Variants in ST3GAL1 observed in about 807,000 individuals in gnomAD.
ST3GAL1 encodes the protein CMP-N-acetylneuraminate-beta-galactosamide-alpha-2,3-sialyltransferase 1.
ST3GAL1 carries 16 observed loss-of-function variants against 34.1 expected under a neutral mutation model. The observed-to-expected ratio is 0.47, with a 90% CI of 0.32 to 0.71. The LOEUF (loss-of-function observed/expected upper bound fraction) is 0.71. Among genes scored for constraint, ST3GAL1 ranks in the 30% least tolerant of loss-of-function variants. ST3GAL1 has a pLI of 0.04. For missense variants in ST3GAL1, 353 were observed against 447.4 expected (o/e 0.79, Z 1.90); for synonymous variants, 191 against 184.7 (o/e 1.03, Z -0.28).
At chr8:133,537,631 C>T (rs1044508103) in intron 2 of ST3GAL1, among the ~76,000 whole-genome samples, 3 of 152,182 alleles carry the variant, frequency 2.0e-5, no homozygotes, top group African/African-American at 7.2e-5. Flanking sequence ...GCCAGGCTTG[C>T]AGAACGCCAG....
intron 1 of ST3GAL1, among the ~76,000 whole-genome samples, chr8:133,554,994 T>C (rs1818967421): frequency 6.6e-6 from 1 of 152,120 alleles, no homozygotes; most frequent in Non-Finnish European, 1.5e-5. Context: ...CCCAAAGTGC[T>C]GGAATTACAG....
At chr8:133,489,998 T>G (rs1191129509) in intron 3 of ST3GAL1, among the ~76,000 whole-genome samples, 1 of 152,166 alleles carries the variant, frequency 6.6e-6, no homozygotes, top group Non-Finnish European at 1.5e-5. Context: ...CCTCCCCAAC[T>G]TATCTGTGCA....
intron 5 of ST3GAL1, among the ~76,000 whole-genome samples, chr8:133,474,688 G>A (rs570862130): frequency 1.1e-4 from 16 of 152,006 alleles, no homozygotes; most frequent in Non-Finnish European, 2.2e-4. Context: ...TCTTGCACCC[G>A]CTGTCCCAGA....
At chr8:133,543,893 T>C (rs556796578) in intron 2 of ST3GAL1, among the ~76,000 whole-genome samples, 1 of 152,344 alleles carries the variant, frequency 6.6e-6, no homozygotes, top group East Asian at 1.9e-4. Context: ...TATAATTACT[T>C]CATATCTGCG....
chr8:133,541,881 C>T (rs962069027), intron 2 of ST3GAL1, among the ~76,000 whole-genome samples: 1 of 152,098 alleles, frequency 6.6e-6, no homozygotes, highest in Non-Finnish European at 1.5e-5. Context: ...TTAATAAATG[C>T]AGTTGGTGGC....
At chr8:133,473,686 C>A (rs1816051727) in intron 5 of ST3GAL1, among the ~76,000 whole-genome samples, 1 of 152,228 alleles carries the variant, frequency 6.6e-6, no homozygotes, top group African/African-American at 2.4e-5. Flanking sequence ...CATGCATGTG[C>A]ACCCACACAC....
chr8:133,535,525 A>ATTTTTTTTTTTTTTTTTTTTTTT (rs112708766), intron 2 of ST3GAL1, among the ~76,000 whole-genome samples: 2 of 145,018 alleles, frequency 1.4e-5, no homozygotes, highest in African/African-American at 5.4e-5. Flanking sequence ...GTATTTTTTA[A>ATTTTTTTTTTTTTTTTTTTTTTT]TTTTTTTTTT....
chr8:133,561,108 C>CTTTTT (rs765993286), intron 1 of ST3GAL1, among the ~76,000 whole-genome samples: 32 of 106,186 alleles, frequency 3.0e-4, no homozygotes, highest in East Asian at 5.4e-4. Flanking sequence ...CCAGAGCCAT[C>CTTTTT]TTTTTTTTTT....
Position 133,553,395 on chromosome 8 carries a change from T to C in ST3GAL1, c.-581-7469A>G, listed in dbSNP as rs111770312. ...AGCCTCAGTTTCCTCATCTGTAATG[T>C]GGAAATGCTGATGATGATGGTCATG... On this transcript the variant is annotated intron_variant, in intron 1 of 9. Transcript: ENST00000522652. Among the ~76,000 whole-genome samples the C allele has an allele frequency of 2.1e-4, 32 of 152,196 alleles. 1 individual carries two copies. The highest frequency in any genetic ancestry group is 7.7e-4 in the African/African-American group (32 of 41,510).
chr8:133,541,036 TATATAGAC>T (rs1465038559), intron 2 of ST3GAL1, among the ~76,000 whole-genome samples: 40 of 121,706 alleles, frequency 3.3e-4, no homozygotes, highest in Middle Eastern at 5.1e-3. Context: ...TATATAGACA[TATATAGAC>T]ATATATATAG....
At chr8:133,565,112 A>T (rs936806846) in intron 1 of ST3GAL1, among the ~76,000 whole-genome samples, 1 of 151,218 alleles carries the variant, frequency 6.6e-6, no homozygotes, top group African/African-American at 2.4e-5. Context: ...CCCCACCCCC[A>T]GCTGTTGCAG....
chr8:133,460,986 C>T (rs1383329429), intron 9 of ST3GAL1, among the ~76,000 whole-genome samples: 1 of 152,044 alleles, frequency 6.6e-6, no homozygotes. Context: ...AGGGCAAGAA[C>T]GTTAGGGCCA....
At chr8:133,483,426 G>A (rs556620187) in intron 3 of ST3GAL1, among the ~76,000 whole-genome samples, 6 of 152,230 alleles carry the variant, frequency 3.9e-5, no homozygotes, top group South Asian at 4.1e-4. Context: ...CTCAGTTCCC[G>A]CCACAGAGTA....
In ST3GAL1 at chr8:133,466,581, G is replaced by A. The variant is rs942985427; in HGVS notation, c.307-491C>T. 4.6e-5 allele frequency among the ~76,000 whole-genome samples: 7 copies of A among 152,178 alleles called. No homozygotes were observed. The highest frequency in any genetic ancestry group is 1.0e-4 in the Non-Finnish European group (7 of 68,028). On this transcript the variant is annotated intron_variant, in intron 5 of 9. Transcript: ENST00000522652. The surrounding 1 kb of genome is among the most constrained non-coding windows in gnomAD (Gnocchi z 4.4). ...CAGGGCCCAGGGGTTGCGTGCTCCC[G>A]CTCAAGCCTTAACAAGAAGAGCGAG...
chr8:133,530,957 C>T (rs1242534201), intron 2 of ST3GAL1, among the ~76,000 whole-genome samples: 1 of 152,046 alleles, frequency 6.6e-6, no homozygotes, highest in Non-Finnish European at 1.5e-5. Context: ...ATCCGGAGCT[C>T]CGGTGACACA....
In ST3GAL1 at chr8:133,556,853, T is replaced by C. The variant is rs1177506563; in HGVS notation, c.-581-10927A>G. Among the ~76,000 whole-genome samples the C allele has an allele frequency of 1.3e-5, 2 of 152,064 alleles. No individual in the cohort carries two copies. The highest frequency in any genetic ancestry group is 1.3e-4 in the Admixed American group (2 of 15,266). On this transcript the variant is annotated intron_variant, in intron 1 of 9. Coordinates refer to ENST00000522652, the MANE Select transcript of ST3GAL1 (RefSeq NM_173344.3). This position sits in a 1 kb window ranked among gnomAD's most constrained non-coding sequence, Gnocchi z 8.9. ...TTTGTTCTTTTGGCCTCTTAGATGA[T>C]AAAACTAAGTGGAGGGAAGTGGGAG...
In ST3GAL1 at chr8:133,540,782, T is replaced by TATATATAGAGAGAC. The variant is rs1818452548; in HGVS notation, c.-429+4991_-429+4992insGTCTCTCTATATAT. On this transcript the variant is annotated intron_variant, in intron 2 of 9. Coordinates refer to ENST00000522652, the MANE Select transcript of ST3GAL1 (RefSeq NM_173344.3). ...ATATAGACATATATATATAGAGACA[T>TATATATAGAGAGAC]ATATATATATAGACATATATATAGA... 5.3e-4 allele frequency among the ~76,000 whole-genome samples: 11 copies of TATATATAGAGAGAC among 20,682 alleles called. No homozygotes were observed. The East Asian group carries it at 6.0e-3, about 11-fold the overall frequency. 13.6% of individuals were successfully genotyped at this position (20,682 alleles called of 152,430 possible). A position where few individuals can be genotyped will look rare whatever the true frequency, so the allele number is the denominator to read the frequency against.
chr8:133,471,979 CAG>C, intron 5 of ST3GAL1, among the ~76,000 whole-genome samples: 1 of 151,968 alleles, frequency 6.6e-6, no homozygotes, highest in African/African-American at 2.4e-5. Context: ...GTAGAGAAGG[CAG>C]AGTCAGCATT....
intron 1 of ST3GAL1, among the ~76,000 whole-genome samples, chr8:133,565,801 C>T (rs549748985): frequency 8.1e-4 from 123 of 152,342 alleles, no homozygotes; most frequent in African/African-American, 2.8e-3. Flanking sequence ...GGTTAAACAA[C>T]GTGCCCAAGG....
Sources: gnomAD v4.1 joint callset for allele counts (sites outside exome capture counted in the v4.1 genomes callset) on GRCh38, gnomAD v4.1.1 for gene constraint, Gnocchi (gnomAD v3.1) non-coding constraint, MANE v1.5 for transcripts, NCBI Gene and HGNC (gene_info 2026-07-23, HGNC 2026-07-21) for gene names.